Variants in CSMD1 observed in about 807,000 individuals in gnomAD.
CSMD1 encodes the protein CUB and Sushi multiple domains 1.
In CSMD1, 213 loss-of-function variants were observed where a neutral mutation model predicts 417.5. That is an observed-to-expected ratio of 0.51 (90% CI 0.46 to 0.57). CSMD1 has a LOEUF of 0.57. Ranked by LOEUF, CSMD1 falls within the 20% of genes least tolerant of loss-of-function variation. The pLI, the probability that CSMD1 is intolerant of heterozygous loss-of-function variation, is 0.00. For missense variants in CSMD1, 6,923 were observed against 4,529.7 expected, an observed-to-expected ratio of 1.53 and a Z score of -15.17; for synonymous variants, 2,862 against 1,736.8, an observed-to-expected ratio of 1.65 and a Z score of -16.11.
chr8:3,998,106 C>T lies in CSMD1; in HGVS notation c.615G>A (p.Glu205=), dbSNP rs35788699. The T allele has an allele frequency of 3.2e-6, 5 of 1,563,208 alleles. No homozygotes were observed. The highest frequency in any genetic ancestry group is 1.4e-5 in the African/African-American group (1 of 73,822). ...CGCGTAAGGTTCCTCCGCAGGCTCCCTCAGCTGCAGGGGCAAAAGCAGAAA... is the reference window on the plus strand; with the variant it reads ...CGCGTAAGGTTCCTCCGCAGGCTCCTTCAGCTGCAGGGGCAAAAGCAGAAA... ...WDFPAPFCRA[E]GACGGTLRGT... Residue 205 remains glutamate (E), a synonymous_variant, in exon 5 of 70, where the codon GAG becomes GAA. Coordinates refer to ENST00000635120, the MANE Select transcript of CSMD1 (RefSeq NM_033225.6).
At chr8:4,833,646 T>G (rs150349883) in intron 1 of CSMD1, among the ~76,000 whole-genome samples, 2 of 152,268 alleles carry the variant, frequency 1.3e-5, no homozygotes, top group African/African-American at 4.8e-5. Context: ...TGCAACAGAG[T>G]AGACAACACT....
chr8:4,490,775 G>C (rs895429277), intron 2 of CSMD1, among the ~76,000 whole-genome samples: 2 of 152,176 alleles, frequency 1.3e-5, no homozygotes, highest in Admixed American at 6.5e-5. Context: ...GCTCCACTAG[G>C]TCGGGCATAT....
chr8:4,291,999 G>C (rs920646921), intron 3 of CSMD1, among the ~76,000 whole-genome samples: 2 of 152,110 alleles, frequency 1.3e-5, no homozygotes, highest in Non-Finnish European at 1.5e-5. Flanking sequence ...ACGCCAGAGT[G>C]AGTTTGTTGC....
intron 5 of CSMD1, among the ~76,000 whole-genome samples, chr8:3,856,835 C>T (rs1304587780): frequency 6.6e-6 from 1 of 152,122 alleles, no homozygotes; most frequent in East Asian, 1.9e-4. Context: ...GTTAACAGAA[C>T]AGGCAACTGA....
At chr8:4,172,914 C>G (rs1203805686) in intron 3 of CSMD1, among the ~76,000 whole-genome samples, 1 of 152,132 alleles carries the variant, frequency 6.6e-6, no homozygotes, top group Non-Finnish European at 1.5e-5. Flanking sequence ...TGAGTCCCAG[C>G]AACAAGTTAA....
Position 2,935,735 on chromosome 8 carries a change from G to C in CSMD1, c.*2850C>G, listed in dbSNP as rs1449341567. 6.6e-6 allele frequency: 1 copy of C among 152,070 alleles called. No homozygotes were observed. Among genetic ancestry groups the C allele is most frequent in the Non-Finnish European group, 1.5e-5 (1 of 68,010 alleles). The allele number at this position is 152,070 out of a possible 1,614,324, so 9.4% of individuals were successfully genotyped here. A position where few individuals can be genotyped will look rare whatever the true frequency, so the allele number is the denominator to read the frequency against. On this transcript the variant is annotated 3_prime_UTR_variant, in exon 70 of 70. Transcript: ENST00000635120. ...AGCGTGTGGTGGGACGGGAGGGAGG[G>C]TCGGCGATGACAATGGGTTTTCCTG...
chr8:4,343,097 G>A (rs534815468), intron 3 of CSMD1, among the ~76,000 whole-genome samples: 1 of 152,046 alleles, frequency 6.6e-6, no homozygotes, highest in Admixed American at 6.6e-5. Flanking sequence ...GTGACCAAGG[G>A]ATATGGGGTA....
At chr8:3,247,698 C>G (rs1273814295) in intron 26 of CSMD1, among the ~76,000 whole-genome samples, 1 of 152,190 alleles carries the variant, frequency 6.6e-6, no homozygotes, top group African/African-American at 2.4e-5. Flanking sequence ...AGTTAAACCA[C>G]ATCTCCCAAC....
intron 5 of CSMD1, among the ~76,000 whole-genome samples, chr8:3,759,985 C>T (rs913442384): frequency 5.3e-5 from 8 of 151,610 alleles, no homozygotes; most frequent in South Asian, 2.1e-4. Flanking sequence ...TAATTCAGAG[C>T]GCACTGACCA....
chr8:3,972,454 T>A (rs1025381197), intron 5 of CSMD1, among the ~76,000 whole-genome samples: 1 of 152,218 alleles, frequency 6.6e-6, no homozygotes, highest in Non-Finnish European at 1.5e-5. Flanking sequence ...TAAACAGTGA[T>A]TCCTTGGCTT....
At chr8:4,444,552 G>T (rs946291462) in intron 2 of CSMD1, among the ~76,000 whole-genome samples, 1 of 151,876 alleles carries the variant, frequency 6.6e-6, no homozygotes, top group East Asian at 1.9e-4. Flanking sequence ...CATCTTTTAG[G>T]GGTTTTCTAA....
At chr8:4,108,700 A>G (rs1261125713) in intron 3 of CSMD1, among the ~76,000 whole-genome samples, 1 of 152,196 alleles carries the variant, frequency 6.6e-6, no homozygotes, top group Non-Finnish European at 1.5e-5. Flanking sequence ...TTAAGCAGAC[A>G]ATACTTAAAA....
intron 1 of CSMD1, among the ~76,000 whole-genome samples, chr8:4,701,203 C>A (rs1275803683): frequency 6.6e-6 from 1 of 152,090 alleles, no homozygotes; most frequent in Non-Finnish European, 1.5e-5. Context: ...CCCCTAGTTC[C>A]CGACTGTTCT....
At chr8:3,613,550 A>C (rs1801991351) in intron 8 of CSMD1, among the ~76,000 whole-genome samples, 1 of 152,136 alleles carries the variant, frequency 6.6e-6, no homozygotes. Context: ...AAAGAAAAAA[A>C]CATCATTACA....
rs1384226629 is a variant in CSMD1 at position 3,189,945 on chromosome 8, C to T, written c.5365G>A (p.Ala1789Thr). 1.3e-6 allele frequency: 2 copies of T among 1,593,574 alleles called. No homozygotes were observed. The highest frequency in any genetic ancestry group is 8.5e-7 in the Non-Finnish European group (1 of 1,170,402). Residue 1789 changes from alanine (A) to threonine (T), a missense_variant, in exon 34 of 70, where the codon GCA becomes ACA. By Grantham distance (58) the Ala-to-Thr change is moderately conservative. Coordinates refer to ENST00000635120, the MANE Select transcript of CSMD1 (RefSeq NM_033225.6). ...CTGGGGATCGTGTCGTTCCACTGTGCCAAGGCGTTGGGCACGGACTGGCAG... is the reference window on the plus strand; with the variant it reads ...CTGGGGATCGTGTCGTTCCACTGTGTCAAGGCGTTGGGCACGGACTGGCAG... The part of the protein sequence containing the change: ...LHCQSVPNAL[A>T]QWNDTIPSCV...
chr8:3,127,936 G>GGAAGGAAGGAAGGAAGGAAGGA (rs1563069428), intron 41 of CSMD1: 1 of 108,678 alleles, frequency 9.2e-6, no homozygotes, highest in African/African-American at 3.8e-5. Flanking sequence ...GGAAGGAAGG[G>GGAAGGAAGGAAGGAAGGAAGGA]AAGGAAAGAA....
At chr8:3,555,532 C>T (rs191443071) in intron 10 of CSMD1, among the ~76,000 whole-genome samples, 60 of 152,328 alleles carry the variant, frequency 3.9e-4, no homozygotes, top group Non-Finnish European at 8.1e-4. Context: ...AAAAATTCCA[C>T]AGCTGGGTGA....
intron 51 of CSMD1, among the ~76,000 whole-genome samples, chr8:3,020,826 G>T (rs545695231): frequency 3.9e-5 from 6 of 152,272 alleles, no homozygotes; most frequent in African/African-American, 1.4e-4. Context: ...CAGCCTCCAC[G>T]ATTTATTGGT....
chr8:4,721,584 A>C (rs2116911351), intron 1 of CSMD1, among the ~76,000 whole-genome samples: 1 of 152,350 alleles, frequency 6.6e-6, no homozygotes, highest in South Asian at 2.1e-4. Flanking sequence ...ATGTAAAGAA[A>C]TGAACTGCTG....
Sources: allele counts gnomAD v4.1 joint callset (sites outside exome capture counted in the v4.1 genomes callset), GRCh38; gene constraint gnomAD v4.1.1; transcripts MANE v1.5; gene names NCBI Gene and HGNC (gene_info 2026-07-23, HGNC 2026-07-21).